The following WWOX variants were observed in gnomAD, a reference collection of about 807,000 sequenced individuals.
The protein encoded by WWOX is WW domain containing oxidoreductase, also known as WW domain-containing oxidoreductase.
WWOX carries 69 observed loss-of-function variants against 46.2 expected under a neutral mutation model. The observed-to-expected ratio is 1.49, with a 90% CI of 1.23 to 1.82. The LOEUF (loss-of-function observed/expected upper bound fraction) is 1.82, where lower values mean the gene tolerates loss of function less well. Ranked by LOEUF, WWOX falls within the 40% of genes most tolerant of loss-of-function variation. The pLI, the probability that WWOX is intolerant of heterozygous loss-of-function variation, is 0.00. For synonymous variants in WWOX, 359 were observed against 202.6 expected (o/e 1.77, Z -6.56); for missense variants, 919 against 542.6 (o/e 1.69, Z -6.89).
At chr16:78,109,535 G>A (rs997873958) in intron 2 of WWOX, among the ~76,000 whole-genome samples, 6 of 152,208 alleles carry the variant, frequency 3.9e-5, no homozygotes, top group Non-Finnish European at 7.3e-5. Flanking sequence ...GGTTTATAGA[G>A]CGATCAGGAA....
At chr16:78,514,419 T>G (rs1273653633) in intron 8 of WWOX, among the ~76,000 whole-genome samples, 4 of 152,214 alleles carry the variant, frequency 2.6e-5, no homozygotes, top group African/African-American at 9.6e-5. Flanking sequence ...ATTAGTTTGC[T>G]TGACAAAGGA....
chr16:78,862,876 G>A (rs1452432365), intron 8 of WWOX, among the ~76,000 whole-genome samples: 1 of 151,810 alleles, frequency 6.6e-6, no homozygotes, highest in Non-Finnish European at 1.5e-5. Context: ...ACACACTAGA[G>A]ATAATGTTTA....
chr16:79,059,317 TTAAG>T (rs1262684511), intron 8 of WWOX, among the ~76,000 whole-genome samples: 1 of 152,190 alleles, frequency 6.6e-6, no homozygotes, highest in Non-Finnish European at 1.5e-5. Context: ...GTGTAATTGC[TTAAG>T]TGAGCACATT....
chr16:78,212,781 T>A (rs1053437290), intron 5 of WWOX, among the ~76,000 whole-genome samples: 2 of 152,170 alleles, frequency 1.3e-5, no homozygotes, highest in African/African-American at 4.8e-5. Flanking sequence ...GCCAACCTCT[T>A]GAGAAAGACA....
At chr16:78,691,553 A>G (rs1340368236) in intron 8 of WWOX, among the ~76,000 whole-genome samples, 1 of 152,090 alleles carries the variant, frequency 6.6e-6, no homozygotes, top group Non-Finnish European at 1.5e-5. Context: ...CAAAAAATAA[A>G]AAAAATTATC....
At chr16:79,161,933 C>T (rs2050494725) in intron 8 of WWOX, among the ~76,000 whole-genome samples, 1 of 152,192 alleles carries the variant, frequency 6.6e-6, no homozygotes, top group Admixed American at 6.5e-5. Context: ...CTTGGAAAGG[C>T]CAAGAGAAGC....
chr16:78,858,144 T>TTTTG (rs2052610811), intron 8 of WWOX, among the ~76,000 whole-genome samples: 2 of 148,540 alleles, frequency 1.3e-5, no homozygotes, highest in South Asian at 4.3e-4. Context: ...CATTGTGTGT[T>TTTTG]TGTGTGTGTG....
At chr16:78,534,339 C>G (rs1319817740) in intron 8 of WWOX, 1 of 152,196 alleles carries the variant, frequency 6.6e-6, no homozygotes, top group Non-Finnish European at 1.5e-5. Context: ...ATTAGGCATT[C>G]TTTGTTATTA....
intron 8 of WWOX, among the ~76,000 whole-genome samples, chr16:78,684,581 C>T (rs534112257): frequency 2.8e-4 from 43 of 152,296 alleles, no homozygotes; most frequent in South Asian, 1.7e-3. Flanking sequence ...TGCAACATCC[C>T]TGGGGTGGAG....
intron 5 of WWOX, among the ~76,000 whole-genome samples, chr16:78,342,382 T>C (rs2081032381): frequency 8.3e-6 from 1 of 121,188 alleles, no homozygotes; most frequent in East Asian, 1.9e-4. Context: ...GACTCCACTG[T>C]CTTGGAGCTA....
At chr16:78,907,658 T>C (rs897663480) in intron 8 of WWOX, among the ~76,000 whole-genome samples, 3 of 152,212 alleles carry the variant, frequency 2.0e-5, no homozygotes, top group Non-Finnish European at 4.4e-5. Context: ...ACTCTTACAA[T>C]TTTTGCAAAG....
chr16:78,804,740 G>A (rs908775038), intron 8 of WWOX, among the ~76,000 whole-genome samples: 1 of 152,048 alleles, frequency 6.6e-6, no homozygotes, highest in South Asian at 2.1e-4. Flanking sequence ...ATTTTAAAAT[G>A]CTGTTTGTAG....
At chr16:78,418,963 A>G (rs1473653930) in intron 6 of WWOX, among the ~76,000 whole-genome samples, 1 of 152,196 alleles carries the variant, frequency 6.6e-6, no homozygotes, top group Non-Finnish European at 1.5e-5. Flanking sequence ...AAAACAAAAA[A>G]GCAAAAGAAT....
At chr16:78,109,751 T>A (rs756973651) in intron 2 of WWOX, 27 bp from the exon 3 acceptor site, 18 of 1,613,806 alleles carry the variant, frequency 1.1e-5, no homozygotes. Flanking sequence ...CCCTGGCACC[T>A]GTAGACCTGT....
At position 79,207,771 on chromosome 16, in the gene WWOX, A is replaced by T. The variant is rs908318396; in HGVS notation, c.1057-3837A>T. ...TAGAGTACTAACCAATGCATTACAA[A>T]TATCAATATGTGGGTGCTTTTTTTT... On this transcript the variant is annotated intron_variant, in intron 8 of 8. Coordinates refer to ENST00000566780, the MANE Select transcript of WWOX (RefSeq NM_016373.4). 4.2e-5 allele frequency among the ~76,000 whole-genome samples: 6 copies of T among 143,714 alleles called. No individual in the cohort carries two copies. The Admixed American group carries it at 4.2e-4, about 10-fold the overall frequency. 94.3% of individuals were successfully genotyped at this position (143,714 alleles called of 152,430 possible). A position where few individuals can be genotyped will look rare whatever the true frequency, so the allele number is the denominator to read the frequency against.
At chr16:78,686,990 C>A (rs747177226) in intron 8 of WWOX, among the ~76,000 whole-genome samples, 1 of 152,208 alleles carries the variant, frequency 6.6e-6, no homozygotes, top group African/African-American at 2.4e-5. Flanking sequence ...ATCTATATCT[C>A]AGTTTTCCTT....
intron 8 of WWOX, among the ~76,000 whole-genome samples, chr16:78,872,524 C>G (rs756791307): frequency 6.6e-6 from 1 of 152,170 alleles, no homozygotes; most frequent in Non-Finnish European, 1.5e-5. Context: ...TGGCCTTGAA[C>G]AAGTGCATTA....
intron 8 of WWOX, among the ~76,000 whole-genome samples, chr16:78,934,846 T>C (rs1437131476): frequency 6.6e-6 from 1 of 152,178 alleles, no homozygotes; most frequent in Non-Finnish European, 1.5e-5. Context: ...GCATCTATAA[T>C]CGCAGCACTT....
intron 8 of WWOX, among the ~76,000 whole-genome samples, chr16:79,059,173 G>A (rs1011569900): frequency 2.0e-5 from 3 of 152,180 alleles, no homozygotes; most frequent in African/African-American, 7.2e-5. Flanking sequence ...AACAATAATT[G>A]TGTTTGCAAG....
Sources: gnomAD v4.1 joint callset for allele counts (sites outside exome capture counted in the v4.1 genomes callset) on GRCh38, gnomAD v4.1.1 for gene constraint, MANE v1.5 for transcripts, NCBI Gene and HGNC (gene_info 2026-07-23, HGNC 2026-07-21) for gene names.